Variants in RIPOR2 observed in about 807,000 individuals in gnomAD.
RIPOR2 encodes the protein RHO family interacting cell polarization regulator 2.
Under a neutral mutation model 114.5 loss-of-function variants are expected in RIPOR2, and 39 were observed. The observed-to-expected ratio is 0.34, with a 90% CI of 0.26 to 0.44. RIPOR2 has a LOEUF of 0.44. Among genes scored for constraint, RIPOR2 ranks in the 20% least tolerant of loss-of-function variants. The pLI is 1.00. For missense variants in RIPOR2, 1,007 were observed against 1,255.1 expected (o/e 0.80, Z 2.99); for synonymous variants, 445 against 484.4 (o/e 0.92, Z 1.07).
chr6:24,969,727 G>A (rs1773693061), intron 1 of RIPOR2, among the ~76,000 whole-genome samples: 1 of 152,028 alleles, frequency 6.6e-6, no homozygotes, highest in Admixed American at 6.6e-5. Context: ...CCCTTCACTT[G>A]TGGGGCCAGC....
At chr6:25,026,016 G>T (rs1344346842) in intron 1 of RIPOR2, among the ~76,000 whole-genome samples, 3 of 151,478 alleles carry the variant, frequency 2.0e-5, no homozygotes, top group Non-Finnish European at 4.4e-5. Context: ...TGAAGAAATT[G>T]CATGAGATTA....
intron 1 of RIPOR2, among the ~76,000 whole-genome samples, chr6:24,991,991 A>T (rs1774840327): frequency 6.6e-6 from 1 of 152,178 alleles, no homozygotes; most frequent in Admixed American, 6.5e-5. Flanking sequence ...TTTTGCATCC[A>T]CTGTGATATT....
chr6:25,003,454 G>T (rs781558059), intron 1 of RIPOR2, among the ~76,000 whole-genome samples: 10 of 149,580 alleles, frequency 6.7e-5, no homozygotes, highest in Non-Finnish European at 1.3e-4. Flanking sequence ...TTCGAGACAG[G>T]ATCTCATTCT....
chr6:24,866,721 C>T (rs1328688776), intron 6 of RIPOR2, among the ~76,000 whole-genome samples: 1 of 152,026 alleles, frequency 6.6e-6, no homozygotes, highest in Non-Finnish European at 1.5e-5. Flanking sequence ...CTTTAACTGA[C>T]TGCAGTTAAC....
upstream of RIPOR2, among the ~76,000 whole-genome samples, chr6:24,936,485 A>T (rs1220908049): frequency 6.6e-6 from 1 of 152,140 alleles, no homozygotes; most frequent in South Asian, 2.1e-4. Context: ...GAAACTTTAC[A>T]GCATTTAAAC....
intron 7 of RIPOR2, among the ~76,000 whole-genome samples, chr6:24,862,255 T>C (rs1764137845): frequency 1.3e-5 from 2 of 152,242 alleles, no homozygotes; most frequent in South Asian, 4.1e-4. Flanking sequence ...TCTGCTATGC[T>C]AAGCAGCAGT....
At chr6:24,822,305 G>A (rs1269355026) in intron 19 of RIPOR2, among the ~76,000 whole-genome samples, 2 of 152,112 alleles carry the variant, frequency 1.3e-5, no homozygotes, top group East Asian at 1.9e-4. Flanking sequence ...CTCATTTCAG[G>A]AACACAAATA....
intron 1 of RIPOR2, among the ~76,000 whole-genome samples, chr6:24,949,552 G>A (rs759976846): frequency 3.3e-5 from 5 of 152,216 alleles, no homozygotes; most frequent in Non-Finnish European, 5.9e-5. Context: ...GCTTTCTGGG[G>A]ACTCTAAGCA....
intron 1 of RIPOR2, among the ~76,000 whole-genome samples, chr6:24,920,860 G>A (rs1170653564): frequency 6.6e-6 from 1 of 152,150 alleles, no homozygotes; most frequent in Non-Finnish European, 1.5e-5. Flanking sequence ...CAAAGCCCTG[G>A]AATCATCCTT....
In RIPOR2 at chr6:24,966,288, T is replaced by G. The variant is rs558336721; in HGVS notation, c.76+75563A>C. On this transcript the variant is annotated intron_variant, in intron 1 of 13. Coordinates refer to the RIPOR2 transcript ENST00000510784. Reference sequence around the variant, plus strand: ...TCAAGCTCTCTGCAGAAGCACAGAATGCATCTCATAAAGCTTCTTAGATAA... The same window carrying G: ...TCAAGCTCTCTGCAGAAGCACAGAAGGCATCTCATAAAGCTTCTTAGATAA... Among the ~76,000 whole-genome samples the G allele has an allele frequency of 1.2e-4, 18 of 152,318 alleles. No homozygotes were observed. In the South Asian group the frequency reaches 3.1e-3, roughly 26 times the overall value.
At chr6:24,875,057 C>T (rs769165724) in intron 2 of RIPOR2, among the ~76,000 whole-genome samples, 58 of 152,276 alleles carry the variant, frequency 3.8e-4, no homozygotes, top group Middle Eastern at 3.4e-3. Flanking sequence ...CCTACTGCAC[C>T]CCTCCCAGGT....
intron 2 of RIPOR2, among the ~76,000 whole-genome samples, chr6:24,875,275 T>C (rs1316732897): frequency 6.6e-6 from 1 of 152,240 alleles, no homozygotes; most frequent in East Asian, 1.9e-4. Context: ...TTCAGGAAAC[T>C]AGAAAAACTA....
intron 1 of RIPOR2, among the ~76,000 whole-genome samples, chr6:25,018,588 A>G (rs1387982231): frequency 6.6e-6 from 1 of 152,212 alleles, no homozygotes; most frequent in African/African-American, 2.4e-5. Flanking sequence ...CTTGCCCTGT[A>G]GAATTTTCCA....
At chr6:24,996,040 G>T (rs796762349) in intron 1 of RIPOR2, among the ~76,000 whole-genome samples, 1 of 152,166 alleles carries the variant, frequency 6.6e-6, no homozygotes, top group Non-Finnish European at 1.5e-5. Context: ...CTGACCTCGT[G>T]ATCCACCTGC....
chr6:24,850,080 T>G, intron 10 of RIPOR2, 130 bp from the exon 11 acceptor site: 1 of 730,416 alleles, frequency 1.4e-6, no homozygotes, highest in Non-Finnish European at 2.2e-6. Flanking sequence ...CAGAAGCGGA[T>G]TTTCATTTTT....
chr6:24,985,505 T>G (rs1170592248), intron 1 of RIPOR2, among the ~76,000 whole-genome samples: 2 of 152,116 alleles, frequency 1.3e-5, no homozygotes, highest in Non-Finnish European at 2.9e-5. Flanking sequence ...CCCAAGTGGA[T>G]TATAAACCTG....
intron 1 of RIPOR2, among the ~76,000 whole-genome samples, chr6:24,974,831 T>C (rs1773963125): frequency 6.6e-6 from 1 of 152,208 alleles, no homozygotes; most frequent in Non-Finnish European, 1.5e-5. Flanking sequence ...GAGGTATTGA[T>C]ACACGCTACA....
rs1355834002 is a variant in RIPOR2, at chr6:24,836,821, C to CAT, written c.2040-951_2040-950insAT. Among the ~76,000 whole-genome samples, 4 of 139,042 alleles carry CAT rather than the reference C, an allele frequency of 2.9e-5. No homozygotes were observed. The East Asian group carries it at 5.9e-4, about 20-fold the overall frequency. The allele number at this position is 139,042 out of a possible 152,430, so 91.2% of individuals were successfully genotyped here. A position where few individuals can be genotyped will look rare whatever the true frequency, so the allele number is the denominator to read the frequency against. Reference sequence around the variant, plus strand: ...TACATATTTAAAATACACACACACACACACACACACTCTCTCTCTCTCTCT... The same window carrying CAT: ...TACATATTTAAAATACACACACACACATACACACACACTCTCTCTCTCTCTCT... On this transcript the variant is annotated intron_variant, in intron 14 of 21. Coordinates refer to ENST00000643898, the MANE Select transcript of RIPOR2 (RefSeq NM_001286445.3).
chr6:24,850,505 G>T, intron 10 of RIPOR2, 92 bp downstream of exon 10: 1 of 1,402,090 alleles, frequency 7.1e-7, no homozygotes, highest in Admixed American at 1.7e-5. Flanking sequence ...TGGGATGGAG[G>T]GGCAACAGGC....
Sources: allele counts gnomAD v4.1 joint callset (sites outside exome capture counted in the v4.1 genomes callset), GRCh38; gene constraint gnomAD v4.1.1; transcripts MANE v1.5; gene names NCBI Gene and HGNC (gene_info 2026-07-23, HGNC 2026-07-21).